The following GFPT2 variants were observed in gnomAD, a reference collection of about 807,000 sequenced individuals.
GFPT2 encodes the protein glutamine--fructose-6-phosphate aminotransferase [isomerizing] 2.
Under a neutral mutation model 85.6 loss-of-function variants are expected in GFPT2, and 62 were observed. That is an observed-to-expected ratio of 0.72 (90% CI 0.59 to 0.90). GFPT2 has a LOEUF of 0.90. Among genes scored for constraint, GFPT2 ranks in the 40% least tolerant of loss-of-function variants. The pLI is 0.00. For missense variants in GFPT2, 788 were observed against 893.4 expected (o/e 0.88, Z 1.50); for synonymous variants, 368 against 344.5 (o/e 1.07, Z -0.75).
chr5:180,353,307 T>TCCGTGGGCTCCGC lies in GFPT2; in HGVS notation c.-91_-90insGCGGAGCCCACGG. ...TCCGTGGGCTCCTCCGTGGGCTCCG[T>TCCGTGGGCTCCGC]GGGCTCCGTGGGCTCCGCGGGCTCC... On this transcript the variant is annotated 5_prime_UTR_variant, in exon 1 of 19. Transcript: ENST00000253778. The TCCGTGGGCTCCGC allele has an allele frequency of 1.0e-6, 1 of 991,712 alleles. No homozygotes were observed. The highest frequency in any genetic ancestry group is 1.3e-6 in the Non-Finnish European group (1 of 772,156). The allele number at this position is 991,712 out of a possible 1,614,324, so 61.4% of individuals were successfully genotyped here. A position where few individuals can be genotyped will look rare whatever the true frequency, so the allele number is the denominator to read the frequency against.
chr5:180,322,859 A>T (rs1186054871), intron 9 of GFPT2, among the ~76,000 whole-genome samples: 2 of 151,838 alleles, frequency 1.3e-5, no homozygotes, highest in Non-Finnish European at 2.9e-5. Context: ...ACACAGTGAA[A>T]CCCCATCTCT....
Position 180,316,440 on chromosome 5 carries a change from G to C in GFPT2, c.1174C>G (p.Leu392Val). ...AVATRQVLEE[L>V]TELPVMVELA... ...TCAACCATCACAGGAAGCTCAGTCA[G>C]TTCCTCCAAAACTTGCCGCGTCTGA... The change falls in exon 13 of 19, where the codon CTG becomes GTG. Residue 392 changes from leucine (L) to valine (V), a missense_variant. Transcript: ENST00000253778. The C allele has an allele frequency of 6.2e-7, 1 of 1,614,058 alleles. No homozygotes were observed.
chr5:180,307,812 A>T (rs1763808788), intron 15 of GFPT2, among the ~76,000 whole-genome samples: 1 of 152,226 alleles, frequency 6.6e-6, no homozygotes, highest in Non-Finnish European at 1.5e-5. Context: ...CATTTACCAG[A>T]TTAGAAAATA....
In GFPT2 at chr5:180,323,535, C is replaced by T. The variant is rs200099001; in HGVS notation, c.794+653G>A. ...GGAAAGTGCTCTGGTTCTCTCTCTC[C>T]CTCTCTCTCTCTCTGTGTGTGTGTG... is the stretch of plus-strand genomic sequence containing the variant. On this transcript the variant is annotated intron_variant, in intron 9 of 18. Transcript: ENST00000253778. This position sits in a 1 kb window ranked among gnomAD's most constrained non-coding sequence, Gnocchi z 4.0. Among the ~76,000 whole-genome samples the T allele has an allele frequency of 6.7e-6, 1 of 150,366 alleles. No individual in the cohort carries two copies. Among genetic ancestry groups the T allele is most frequent in the Non-Finnish European group, 1.5e-5 (1 of 67,552 alleles).
In GFPT2 at chr5:180,330,634, C is replaced by G; in HGVS notation, c.534+66G>C. The G allele has an allele frequency of 3.6e-6, 5 of 1,375,928 alleles. No individual in the cohort carries two copies. The highest frequency in any genetic ancestry group is 5.1e-6 in the Non-Finnish European group (5 of 976,392). 85.2% of individuals were successfully genotyped at this position (1,375,928 alleles called of 1,614,324 possible). A position where few individuals can be genotyped will look rare whatever the true frequency, so the allele number is the denominator to read the frequency against. On this transcript the variant is annotated intron_variant, in intron 6 of 18. Transcript: ENST00000253778. The surrounding 1 kb of genome is among the most constrained non-coding windows in gnomAD (Gnocchi z 4.4). ...ATGAAGGATTCCTTGGCACTTGCTG[C>G]TTGAAAAAAATGTTTTTAATGAAAG...
At chr5:180,340,893 C>T (rs1407740423) in intron 1 of GFPT2, among the ~76,000 whole-genome samples, 1 of 152,172 alleles carries the variant, frequency 6.6e-6, no homozygotes, top group African/African-American at 2.4e-5. Context: ...CAAGGCCCCA[C>T]CTCCTAGTAA....
At chr5:180,343,351 A>G (rs531097565) in intron 1 of GFPT2, among the ~76,000 whole-genome samples, 6 of 152,342 alleles carry the variant, frequency 3.9e-5, no homozygotes, top group African/African-American at 1.4e-4. Flanking sequence ...CCTGGACAGC[A>G]GCGGGGGCAT....
chr5:180,301,502 T>G lies in GFPT2; in HGVS notation c.*62A>C, dbSNP rs1581363318. On this transcript the variant is annotated 3_prime_UTR_variant, in exon 19 of 19. Coordinates refer to ENST00000253778, the MANE Select transcript of GFPT2 (RefSeq NM_005110.4). ...CACTTCTCTTCCCATGTAGCATCCC[T>G]GCTGTTGGGACAGGTCTGGAATCAG... 4 of 1,339,970 alleles carry G rather than the reference T, an allele frequency of 3.0e-6. No homozygotes were observed. The highest frequency in any genetic ancestry group is 1.4e-5 in the African/African-American group (1 of 69,842). 83.0% of individuals were successfully genotyped at this position (1,339,970 alleles called of 1,614,324 possible).
chr5:180,324,510 T>C, intron 8 of GFPT2: 1 of 583,870 alleles, frequency 1.7e-6, no homozygotes, highest in Non-Finnish European at 3.0e-6. Flanking sequence ...GTGAGAGGAA[T>C]GCAAACAAAA....
In GFPT2 at chr5:180,338,246, C is replaced by G. The variant is rs1326672617; in HGVS notation, c.115+247G>C. Among the ~76,000 whole-genome samples, 3 of 152,320 alleles carry G rather than the reference C, an allele frequency of 2.0e-5. No homozygotes were observed. In the East Asian group the frequency reaches 5.8e-4, roughly 29 times the overall value. Reference sequence around the variant, plus strand: ...TGCTGCATGACTGTGGCTTTGTACCCTTTCTGCTTCCTGATGGGGGGACTT... The same window carrying G: ...TGCTGCATGACTGTGGCTTTGTACCGTTTCTGCTTCCTGATGGGGGGACTT... On this transcript the variant is annotated intron_variant, in intron 2 of 18. Transcript: ENST00000253778.
intron 5 of GFPT2, 44 bp downstream of exon 5, chr5:180,331,451 C>A: frequency 8.5e-7 from 1 of 1,173,156 alleles, no homozygotes; most frequent in Non-Finnish European, 1.3e-6. Flanking sequence ...TCTGGGGAGA[C>A]CAATCCCACC....
At chr5:180,342,504 G>C (rs1764537554) in intron 1 of GFPT2, among the ~76,000 whole-genome samples, 1 of 145,688 alleles carries the variant, frequency 6.9e-6, no homozygotes, top group Non-Finnish European at 1.5e-5. Context: ...CGAACTCCCA[G>C]GCCCAAGCTA....
At chr5:180,352,542 C>T in intron 1 of GFPT2, 2 of 445,260 alleles carry the variant, frequency 4.5e-6, no homozygotes, top group Non-Finnish European at 8.9e-6. Context: ...CGGCCCCGCT[C>T]CCCGCCCCGG....
chr5:180,323,293 T>C lies in GFPT2; in HGVS notation c.794+895A>G, dbSNP rs1262392953. Among the ~76,000 whole-genome samples, 1 of 152,202 alleles carries C rather than the reference T, an allele frequency of 6.6e-6. No homozygotes were observed. Among genetic ancestry groups the C allele is most frequent in the Non-Finnish European group, 1.5e-5 (1 of 68,038 alleles). On this transcript the variant is annotated intron_variant, in intron 9 of 18. Transcript: ENST00000253778. The surrounding 1 kb of genome is among the most constrained non-coding windows in gnomAD (Gnocchi z 4.0). ...GCCTTGACCTCAGCGTTAAGTATGA[T>C]GCTGGCTGTGCGTTTAATCAGGCCT... is the stretch of plus-strand genomic sequence containing the variant.
intron 1 of GFPT2, chr5:180,352,272 G>A (rs1376485907): frequency 1.1e-5 from 4 of 380,500 alleles, no homozygotes; most frequent in East Asian, 7.9e-5. Context: ...GCCTTTCATG[G>A]CTTCGAAAGT....
chr5:180,317,890 G>T (rs1764044530), intron 10 of GFPT2, among the ~76,000 whole-genome samples: 1 of 152,108 alleles, frequency 6.6e-6, no homozygotes, highest in African/African-American at 2.4e-5. Flanking sequence ...TGCTCTGGAG[G>T]TACCCACAGG....
intron 1 of GFPT2, chr5:180,352,638 C>T (rs1443181652): frequency 4.5e-6 from 2 of 446,882 alleles, no homozygotes; most frequent in Non-Finnish European, 8.9e-6. Flanking sequence ...AGCGACCCTT[C>T]TAGGGACCAG....
intron 9 of GFPT2, among the ~76,000 whole-genome samples, chr5:180,321,319 T>C (rs1282994637): frequency 6.6e-6 from 1 of 152,258 alleles, no homozygotes; most frequent in Non-Finnish European, 1.5e-5. Flanking sequence ...TTTATATTTA[T>C]GTGTGCATGT....
chr5:180,326,296 C>T (rs1011553875), intron 7 of GFPT2, among the ~76,000 whole-genome samples: 11 of 151,222 alleles, frequency 7.3e-5, no homozygotes, highest in East Asian at 3.9e-4. Context: ...AAAACACCGA[C>T]GAACACTGTA....
Sources: gnomAD v4.1 joint callset for allele counts (sites outside exome capture counted in the v4.1 genomes callset) on GRCh38, gnomAD v4.1.1 for gene constraint, Gnocchi (gnomAD v3.1) non-coding constraint, MANE v1.5 for transcripts, NCBI Gene and HGNC (gene_info 2026-07-23, HGNC 2026-07-21) for gene names.